Variants in PSMG2 observed in about 807,000 individuals in gnomAD.
The protein encoded by PSMG2 is CD40 ligand-activated specific transcript 3.
PSMG2 carries 21 observed loss-of-function variants against 31.5 expected under a neutral mutation model. The ratio of observed to expected loss-of-function variants is 0.67; its 90% CI spans 0.47 to 0.96. PSMG2 has a LOEUF of 0.96. PSMG2 is among the 40% of genes least tolerant of loss of function. The pLI is 0.00. For missense variants in PSMG2, 318 were observed against 321.2 expected (o/e 0.99, Z 0.08); for synonymous variants, 120 against 110.4 (o/e 1.09, Z -0.54).
At chr18:12,699,241 A>G (rs1555647911), upstream of PSMG2, 3 of 1,355,494 alleles carry the variant, frequency 2.2e-6, no homozygotes, top group Middle Eastern at 1.8e-4. Flanking sequence ...AAACTGCCAA[A>G]TAACTTAAAA....
In PSMG2 at chr18:12,725,688, A is replaced by C; in HGVS notation, c.*157A>C. On this transcript the variant is annotated 3_prime_UTR_variant, in exon 7 of 7. Coordinates refer to ENST00000317615, the MANE Select transcript of PSMG2 (RefSeq NM_020232.5). ...TAAGGGTCTCTTTGCCATGCTTTTC[A>C]TCATATGCACCAAATGTAAATTTTG... 2.1e-6 allele frequency: 1 copy of C among 471,970 alleles called. No homozygotes were observed. Among genetic ancestry groups the C allele is most frequent in the Non-Finnish European group, 3.7e-6 (1 of 270,690 alleles). The allele number at this position is 471,970 out of a possible 1,614,324, so 29.2% of individuals were successfully genotyped here.
At chr18:12,699,062 C>T, upstream of PSMG2, 3 of 1,614,028 alleles carry the variant, frequency 1.9e-6, no homozygotes, top group Non-Finnish European at 2.5e-6. Flanking sequence ...AGAACGAAAA[C>T]GTTGGTTTCG....
intron 4 of PSMG2, 106 bp downstream of exon 4, chr18:12,718,741 T>C (rs1041111714): frequency 1.1e-5 from 8 of 725,080 alleles, no homozygotes; most frequent in Non-Finnish European, 1.7e-5. Flanking sequence ...TACCTCTTCT[T>C]ACTGGAGTTT....
intron 2 of PSMG2, among the ~76,000 whole-genome samples, chr18:12,708,474 C>G (rs1217854621): frequency 6.6e-6 from 1 of 152,042 alleles, no homozygotes. Flanking sequence ...AGGCAGTTCT[C>G]CTGCCTCAGC....
At chr18:12,724,397 T>C in intron 5 of PSMG2, 102 bp from the exon 6 acceptor site, 1 of 1,239,588 alleles carries the variant, frequency 8.1e-7, no homozygotes, top group African/African-American at 1.6e-5. Flanking sequence ...GTCTTTTCCT[T>C]TCCTAAACCA....
chr18:12,706,121 G>GA (rs775348173), intron 1 of PSMG2, among the ~76,000 whole-genome samples: 3 of 152,250 alleles, frequency 2.0e-5, no homozygotes, highest in Admixed American at 2.0e-4. Flanking sequence ...ATCTAGCTAT[G>GA]ATGTTATGAT....
rs535148408 is a variant in PSMG2 at position 12,722,823 on chromosome 18, G to A, written c.582-1676G>A. Among the ~76,000 whole-genome samples, 10 of 152,320 alleles carry A rather than the reference G, an allele frequency of 6.6e-5. No homozygotes were observed. The East Asian group carries it at 1.3e-3, about 21-fold the overall frequency. On this transcript the variant is annotated intron_variant, in intron 5 of 6. Transcript: ENST00000317615. ...ACTGTGTGACAAACTAATAAGAGGC[G>A]CGATAAGCTGAAGAGCATACCCCTG... is the stretch of plus-strand genomic sequence containing the variant.
intron 3 of PSMG2, among the ~76,000 whole-genome samples, chr18:12,715,317 GCTT>G (rs2040366787): frequency 6.6e-6 from 1 of 151,902 alleles, no homozygotes; most frequent in Admixed American, 6.6e-5. Context: ...CCGAAAGTAA[GCTT>G]CTGAAAGGAA....
At chr18:12,722,347 T>C (rs1326650284) in intron 5 of PSMG2, among the ~76,000 whole-genome samples, 1 of 152,136 alleles carries the variant, frequency 6.6e-6, no homozygotes, top group Non-Finnish European at 1.5e-5. Context: ...CTTGAGATAC[T>C]TTCTGGACTG....
chr18:12,702,852 G>T (rs972577323), upstream of PSMG2: 8 of 568,722 alleles, frequency 1.4e-5, no homozygotes, highest in African/African-American at 1.0e-4. Context: ...CGCACCCCGA[G>T]ACCTCAGCGC....
intron 1 of PSMG2, chr18:12,697,226 C>T (rs1342108406): frequency 1.2e-6 from 2 of 1,608,790 alleles, no homozygotes; most frequent in South Asian, 1.1e-5. Flanking sequence ...ACCATACCTA[C>T]ACCCATAAGT....
rs965331915 is a variant in PSMG2, at chr18:12,686,182, G to A, written c.-36-20368G>A. On this transcript the variant is annotated intron_variant, in intron 1 of 6. Transcript: ENST00000585331. Reference sequence around the variant, plus strand: ...GTTGACTATATGTGCATTTTTCTAAGGCATTCTTTTACAAATGGATTACAA... The same window carrying A: ...GTTGACTATATGTGCATTTTTCTAAAGCATTCTTTTACAAATGGATTACAA... 6.8e-6 allele frequency: 8 copies of A among 1,169,226 alleles called. No homozygotes were observed. The African/African-American group carries it at 1.1e-4, about 16-fold the overall frequency. 72.4% of individuals were successfully genotyped at this position (1,169,226 alleles called of 1,614,324 possible). A position where few individuals can be genotyped will look rare whatever the true frequency, so the allele number is the denominator to read the frequency against.
intron 1 of PSMG2, among the ~76,000 whole-genome samples, chr18:12,689,199 T>G (rs992935744): frequency 2.0e-5 from 3 of 152,250 alleles, no homozygotes; most frequent in African/African-American, 4.8e-5. Flanking sequence ...ATTAACGTTT[T>G]GATTTATAAC....
chr18:12,702,405 G>A, upstream of PSMG2: 1 of 1,077,626 alleles, frequency 9.3e-7, no homozygotes, highest in Non-Finnish European at 1.4e-6. Context: ...AGCAGATGCC[G>A]CTGTCGGCCC....
chr18:12,712,786 T>C (rs1311965074), intron 3 of PSMG2, 26 bp downstream of exon 3: 3 of 1,550,890 alleles, frequency 1.9e-6, no homozygotes, highest in Non-Finnish European at 2.7e-6. Flanking sequence ...TTTGCCTTTT[T>C]GTTTATTAAA....
intron 1 of PSMG2, among the ~76,000 whole-genome samples, chr18:12,689,069 G>A (rs892050713): frequency 6.6e-6 from 1 of 152,084 alleles, no homozygotes; most frequent in African/African-American, 2.4e-5. Context: ...AGCCAAGATC[G>A]CACCACTGCA....
At chr18:12,672,938 A>T (rs2038984499) in intron 1 of PSMG2, 9 of 981,604 alleles carry the variant, frequency 9.2e-6, no homozygotes, top group Non-Finnish European at 9.7e-6. Flanking sequence ...TCATGAGGTT[A>T]ATTTCTCCTA....
chr18:12,672,908 C>T, intron 1 of PSMG2: 1 of 984,476 alleles, frequency 1.0e-6, no homozygotes, highest in Non-Finnish European at 1.2e-6. Flanking sequence ...TTATTTTCAC[C>T]AATGCAATAA....
At chr18:12,702,917 G>A (rs1247275394), upstream of PSMG2, 7 of 622,434 alleles carry the variant, frequency 1.1e-5, no homozygotes, top group South Asian at 2.2e-5. Context: ...CCCTCTTCGC[G>A]GCCACCCGGC....
Sources: gnomAD v4.1 joint callset for allele counts (sites outside exome capture counted in the v4.1 genomes callset) on GRCh38, gnomAD v4.1.1 for gene constraint, MANE v1.5 for transcripts, NCBI Gene and HGNC (gene_info 2026-07-23, HGNC 2026-07-21) for gene names.